ZNF318: variants seen among roughly 807,000 people sequenced by gnomAD.
ZNF318 encodes the protein endocrine regulator.
ZNF318 carries 51 observed loss-of-function variants against 124.2 expected under a neutral mutation model. The ratio of observed to expected loss-of-function variants is 0.41; its 90% CI spans 0.33 to 0.52. The LOEUF is 0.52. Ranked by LOEUF, ZNF318 falls within the 20% of genes least tolerant of loss-of-function variation. The probability of loss-of-function intolerance (pLI) is 0.23; values close to 1 mark genes in which losing one functional copy is unlikely to be tolerated. For missense variants in ZNF318, 2,815 were observed against 2,811.2 expected (o/e 1.00, Z -0.03); for synonymous variants, 1,090 against 1,040.7 (o/e 1.05, Z -0.91).
Position 43,369,568 on chromosome 6 carries a change from G to GCGAGCACGCGTCCGACACACC in ZNF318, c.-224_-204dup. 1 of 175,122 alleles carries GCGAGCACGCGTCCGACACACC rather than the reference G, an allele frequency of 5.7e-6. No homozygotes were observed. The highest frequency in any genetic ancestry group is 1.9e-4 in the East Asian group (1 of 5,258). 10.8% of individuals were successfully genotyped at this position (175,122 alleles called of 1,614,324 possible). On this transcript the variant is annotated 5_prime_UTR_variant, in exon 1 of 10. Transcript: ENST00000361428. The stretch of plus-strand genomic sequence containing the variant: ...CCCCCGCGGCTGGCGGTTGGAGGGC[G>GCGAGCACGCGTCCGACACACC]CGAGCACGCGTCCGACACACCCCCC...
rs767799676 is a variant in ZNF318, at chr6:43,339,450, A to T, written c.4548T>A (p.Asp1516Glu). The T allele has an allele frequency of 6.2e-7, 1 of 1,613,866 alleles. No homozygotes were observed. The highest frequency in any genetic ancestry group is 1.1e-5 in the South Asian group (1 of 91,066). Residue 1516 changes from aspartate to glutamate, a missense_variant, in exon 10 of 10, where the codon GAT becomes GAA. Asp to Glu is a conservative substitution (Grantham distance 45, BLOSUM62 2). This residue lies in a region of ZNF318 where 500 missense variants were observed against 605.2 expected (regional missense o/e 0.83). Transcript: ENST00000361428. This position sits in a 1 kb window ranked among gnomAD's most constrained non-coding sequence, Gnocchi z 4.2. ...TCTCACTCACCCCAGGAGCTGTCTC[A>T]TCAGAAGGAATGGCAGCTGGCTGTG... is the stretch of plus-strand genomic sequence containing the variant. ...ASAQPAAIPS[D>E]ETAPGVSESD...
At position 43,348,614 on chromosome 6, in the gene ZNF318, G is replaced by A. The variant is rs1276586943; in HGVS notation, c.2782C>T (p.Arg928Cys). ...CCATCCTTCTCCCTTCGTTTCTTGCGCAGCATTTCTCCTGAGCAATCAAAT... is the reference window on the plus strand; with the variant it reads ...CCATCCTTCTCCCTTCGTTTCTTGCACAGCATTTCTCCTGAGCAATCAAAT... ...RLHKQQGEML[R>C]KKRREKDGHK... is the part of the protein sequence containing the mutation. Residue 928 changes from arginine to cysteine, a missense_variant, in exon 6 of 10, where the codon CGC (arginine) becomes TGC (cysteine). This residue lies in a region of ZNF318 where 1,377 missense variants were observed against 1,353.5 expected (regional missense o/e 1.02). Coordinates refer to ENST00000361428, the MANE Select transcript of ZNF318 (RefSeq NM_014345.3). The A allele has an allele frequency of 2.5e-6, 4 of 1,613,522 alleles. No individual in the cohort carries two copies. The highest frequency in any genetic ancestry group is 2.2e-5 in the East Asian group (1 of 44,884).
intron 1 of ZNF318, among the ~76,000 whole-genome samples, chr6:43,367,852 A>G (rs914926177): frequency 1.3e-5 from 2 of 152,142 alleles, no homozygotes; most frequent in African/African-American, 2.4e-5. Flanking sequence ...AAAAAGCAGA[A>G]CTTTGTTACT....
At chr6:43,360,472 C>T (rs1779665701) in intron 2 of ZNF318, among the ~76,000 whole-genome samples, 1 of 152,162 alleles carries the variant, frequency 6.6e-6, no homozygotes, top group Non-Finnish European at 1.5e-5. Context: ...TTAAGTTCAA[C>T]TGTTTTCTAA....
In ZNF318 at chr6:43,336,269, C is replaced by A. The variant is rs7692; in HGVS notation, c.*889G>T. ...GTGGAACAGGGAATGAGTTCAATCTCAAGACAAGTTTCAGAGATCTTCTAC... is the reference window on the plus strand; with the variant it reads ...GTGGAACAGGGAATGAGTTCAATCTAAAGACAAGTTTCAGAGATCTTCTAC... On this transcript the variant is annotated 3_prime_UTR_variant, in exon 10 of 10. Coordinates refer to ENST00000361428, the MANE Select transcript of ZNF318 (RefSeq NM_014345.3). 62,933 of 152,408 alleles carry A rather than the reference C, an allele frequency of 0.41. 15,057 individuals carry two copies. The highest frequency in any genetic ancestry group is 0.67 in the African/African-American group (27,704 of 41,428). 9.4% of individuals were successfully genotyped at this position (152,408 alleles called of 1,614,324 possible).
In ZNF318 at chr6:43,355,685, G is replaced by A; in HGVS notation, c.1649C>T (p.Ser550Phe). Residue 550 changes from serine to phenylalanine, a missense_variant, in exon 4 of 10, where the codon TCC (serine) becomes TTC (phenylalanine). Physicochemically the swap from Ser to Phe is radical, Grantham distance 155 (BLOSUM62 -2). Coordinates refer to ENST00000361428, the MANE Select transcript of ZNF318 (RefSeq NM_014345.3). ...AGAGCTCCCAAGGGGCTTTGGTACG[G>A]ATTCTGCCTTTAAATCCTCTTCTTC... is the stretch of plus-strand genomic sequence containing the variant. The part of the protein sequence containing the change: ...GDEEEDLKAE[S>F]VPKPLGSSES... 1 of 1,614,194 alleles carries A rather than the reference G, an allele frequency of 6.2e-7. No homozygotes were observed. Among genetic ancestry groups the A allele is most frequent in the Non-Finnish European group, 8.5e-7 (1 of 1,180,042 alleles).
At chr6:43,345,170 C>G (rs1779422887) in intron 6 of ZNF318, among the ~76,000 whole-genome samples, 2 of 149,358 alleles carry the variant, frequency 1.3e-5, no homozygotes, top group Admixed American at 1.3e-4. Flanking sequence ...ATGCTTGGAC[C>G]TGAGAGTTGG....
intron 6 of ZNF318, among the ~76,000 whole-genome samples, chr6:43,347,647 GT>G (rs1449712335): frequency 2.0e-5 from 3 of 152,156 alleles, no homozygotes; most frequent in African/African-American, 7.2e-5. Context: ...AGATAATGAA[GT>G]GGAAATGGTG....
chr6:43,356,208 T>C, intron 3 of ZNF318, 63 bp from the exon 4 acceptor site: 2 of 1,481,830 alleles, frequency 1.3e-6, no homozygotes, highest in South Asian at 1.3e-5. Context: ...GTAATTGAGA[T>C]AAATACTTAA....
Position 43,338,922 on chromosome 6 carries a change from C to G in ZNF318, c.5076G>C (p.Lys1692Asn). The G allele has an allele frequency of 6.2e-7, 1 of 1,614,128 alleles. No individual in the cohort carries two copies. Among genetic ancestry groups the G allele is most frequent in the Non-Finnish European group, 8.5e-7 (1 of 1,180,020 alleles). Residue 1692 changes from lysine (K) to asparagine (N), a missense_variant, in exon 10 of 10, where the codon AAG becomes AAC. Lys to Asn is a moderately conservative substitution (Grantham distance 94). Transcript: ENST00000361428. ...QSRPYETITP[K>N]TDTLAIWTSS... ...AGGTCCATATGGCCAAAGTGTCTGT[C>G]TTTGGGGTAATTGTTTCATAAGGCC...
At chr6:43,351,347 C>T (rs1779522013) in intron 5 of ZNF318, among the ~76,000 whole-genome samples, 1 of 152,190 alleles carries the variant, frequency 6.6e-6, no homozygotes, top group African/African-American at 2.4e-5. Context: ...GATAATAGTA[C>T]TGTATCACTG....
Position 43,342,849 on chromosome 6 carries a change from T to C in ZNF318, c.3103A>G (p.Thr1035Ala), listed in dbSNP as rs1562129547. 1 of 1,613,164 alleles carries C rather than the reference T, an allele frequency of 6.2e-7. No individual in the cohort carries two copies. Among genetic ancestry groups the C allele is most frequent in the Non-Finnish European group, 8.5e-7 (1 of 1,179,262 alleles). The change falls in exon 7 of 10, where the codon ACT (threonine) becomes GCT (alanine). Residue 1035 changes from threonine (T) to alanine (A), a missense_variant. By Grantham distance (58) the Thr-to-Ala change is moderately conservative (BLOSUM62 0). Around this residue, in one of 4 missense-constraint regions of ZNF318, gnomAD observed 1,377 missense variants for 1,353.5 expected, o/e 1.02. Transcript: ENST00000361428. ...CTTTCGGCAGGCTTGGGGCTCTTAG[T>C]ACGAAACTTCTCATTGTTTACTTTT... is the stretch of plus-strand genomic sequence containing the variant. Reference protein sequence around the residue: ...ESKVNNEKFRTKSPKPAESPQ... With the variant: ...ESKVNNEKFRAKSPKPAESPQ...
chr6:43,339,105 C>T lies in ZNF318; in HGVS notation c.4893G>A (p.Glu1631=), dbSNP rs772115885. The T allele has an allele frequency of 3.1e-6, 5 of 1,614,188 alleles. No individual in the cohort carries two copies. The highest frequency in any genetic ancestry group is 1.3e-5 in the African/African-American group (1 of 75,046). Reference sequence around the variant, plus strand: ...TAACTATAGGAGCAGCGACCAAACCCTCATCTTGATGCAACTCCTCTTGGG... The same window carrying T: ...TAACTATAGGAGCAGCGACCAAACCTTCATCTTGATGCAACTCCTCTTGGG... ...SASQEELHQD[E]GLVAAPIVSN... The change falls in exon 10 of 10, where the codon GAG becomes GAA. Residue 1631 remains glutamate (E), a synonymous_variant. Transcript: ENST00000361428. This position sits in a 1 kb window ranked among gnomAD's most constrained non-coding sequence, Gnocchi z 4.2.
In ZNF318 at chr6:43,340,811, G is replaced by A. The variant is rs1181868254; in HGVS notation, c.3474C>T (p.His1158=). 3 of 1,613,830 alleles carry A rather than the reference G, an allele frequency of 1.9e-6. No individual in the cohort carries two copies. The highest frequency in any genetic ancestry group is 2.5e-6 in the Non-Finnish European group (3 of 1,179,738). Residue 1158 remains histidine, a synonymous_variant, in exon 9 of 10, where the codon CAC becomes CAT. Transcript: ENST00000361428. ...PISGEQHVKG[H]QHNEKYKKYV... is the part of the protein sequence containing the mutation. ...CAACCTTGTATTTCTCATTGTGTTG[G>A]TGACCCTTCACATGTTGCTCCCCAG...
chr6:43,367,244 A>G (rs1053651580), intron 1 of ZNF318, among the ~76,000 whole-genome samples: 1 of 152,240 alleles, frequency 6.6e-6, no homozygotes, highest in African/African-American at 2.4e-5. Flanking sequence ...TCTCCCTGCT[A>G]GAATATTAAC....
chr6:43,366,555 G>A (rs1779763899), intron 1 of ZNF318, among the ~76,000 whole-genome samples: 1 of 152,114 alleles, frequency 6.6e-6, no homozygotes, highest in Non-Finnish European at 1.5e-5. Context: ...CCAGCATTTT[G>A]GGAGGCTGAG....
Position 43,337,853 on chromosome 6 carries a change from C to G in ZNF318, c.6145G>C (p.Val2049Leu). The change falls in exon 10 of 10, where the codon GTA (valine) becomes CTA (leucine). Residue 2049 changes from valine to leucine, a missense_variant. Transcript: ENST00000361428. ...LCQKVCEENS[V>L]SPIGCNSSDP... ...GAGGAATTACACCCTATAGGTGATA[C>G]AGAATTTTCTTCACACACTTTCTGA... is the stretch of plus-strand genomic sequence containing the variant. 1 of 1,614,192 alleles carries G rather than the reference C, an allele frequency of 6.2e-7. No individual in the cohort carries two copies. The highest frequency in any genetic ancestry group is 8.5e-7 in the Non-Finnish European group (1 of 1,180,034).
At position 43,337,773 on chromosome 6, in the gene ZNF318, A is replaced by C; in HGVS notation, c.6225T>G (p.Ser2075=). The C allele has an allele frequency of 6.2e-7, 1 of 1,614,208 alleles. No individual in the cohort carries two copies. The highest frequency in any genetic ancestry group is 8.5e-7 in the Non-Finnish European group (1 of 1,180,038). The change falls in exon 10 of 10, where the codon TCT becomes TCG. Residue 2075 remains serine (S), a synonymous_variant. Transcript: ENST00000361428. ...IPSFSGFPLD[S]PKTLVLDFET... is the part of the protein sequence containing the mutation. ...CAAAGTCAAGCACCAAGGTTTTGGG[A>C]GAATCTAACGGAAACCCAGAAAAAG... is the stretch of plus-strand genomic sequence containing the variant.
intron 1 of ZNF318, chr6:43,368,680 C>T (rs1334449434): frequency 1.0e-6 from 1 of 985,354 alleles, no homozygotes. Flanking sequence ...ACGAAATGCC[C>T]CTCGCCTTGG....
Sources: allele counts gnomAD v4.1 joint callset (sites outside exome capture counted in the v4.1 genomes callset), GRCh38; gene constraint gnomAD v4.1.1; regional missense constraint gnomAD v4.1.1; non-coding constraint Gnocchi (gnomAD v3.1); transcripts MANE v1.5; gene names NCBI Gene and HGNC (gene_info 2026-07-23, HGNC 2026-07-21).